Variants in CDH12 observed in about 807,000 individuals in gnomAD.
The protein encoded by CDH12 is cadherin 12.
CDH12 carries 41 observed loss-of-function variants against 74.1 expected under a neutral mutation model. The ratio of observed to expected loss-of-function variants is 0.55; its 90% CI spans 0.43 to 0.72. CDH12 has a LOEUF of 0.72. CDH12 is among the 30% of genes least tolerant of loss of function. CDH12 has a pLI of 0.00. For synonymous variants in CDH12, 399 were observed against 355.0 expected (o/e 1.12, Z -1.39); for missense variants, 945 against 977.2 (o/e 0.97, Z 0.44).
chr5:22,468,767 A>C (rs1472718179), intron 2 of CDH12, among the ~76,000 whole-genome samples: 1 of 152,128 alleles, frequency 6.6e-6, no homozygotes, highest in East Asian at 1.9e-4. Context: ...TGTCATATGG[A>C]CTCAACTATA....
intron 1 of CDH12, among the ~76,000 whole-genome samples, chr5:22,510,365 G>T (rs1736550544): frequency 6.6e-6 from 1 of 151,936 alleles, no homozygotes; most frequent in Admixed American, 6.6e-5. Flanking sequence ...TAAAAAAATT[G>T]TTATAAAAAT....
chr5:22,092,326 GAT>G (rs1261719546), intron 4 of CDH12, among the ~76,000 whole-genome samples: 3 of 151,976 alleles, frequency 2.0e-5, no homozygotes, highest in Non-Finnish European at 1.5e-5. Flanking sequence ...GAAGTAAAAA[GAT>G]AACCCATAGA....
At chr5:22,130,815 T>C (rs1746139531) in intron 4 of CDH12, among the ~76,000 whole-genome samples, 1 of 152,040 alleles carries the variant, frequency 6.6e-6, no homozygotes, top group Admixed American at 6.6e-5. Flanking sequence ...TTCCATCATA[T>C]ATGAAAACTT....
At chr5:22,160,685 G>A (rs538875832) in intron 4 of CDH12, among the ~76,000 whole-genome samples, 56 of 152,228 alleles carry the variant, frequency 3.7e-4, no homozygotes, top group African/African-American at 1.2e-3. Context: ...TTCCTGCTTC[G>A]TAGGTCACAC....
At chr5:22,218,831 TAAC>T (rs1751912907) in intron 3 of CDH12, among the ~76,000 whole-genome samples, 2 of 151,768 alleles carry the variant, frequency 1.3e-5, no homozygotes, top group Admixed American at 1.3e-4. Flanking sequence ...ATGTCCATAA[TAAC>T]AATCTATATG....
chr5:22,384,390 A>G (rs1479071945), intron 3 of CDH12, among the ~76,000 whole-genome samples: 10 of 150,524 alleles, frequency 6.6e-5, no homozygotes, highest in African/African-American at 9.7e-5. Flanking sequence ...GCCGGGCGTG[A>G]TGGTGGGCGC....
chr5:22,220,463 A>G (rs1751973611), intron 3 of CDH12, among the ~76,000 whole-genome samples: 1 of 151,774 alleles, frequency 6.6e-6, no homozygotes, highest in South Asian at 2.1e-4. Context: ...TCCCAACATA[A>G]GCCTGTTTAT....
chr5:22,100,136 G>T (rs913104992), intron 4 of CDH12, among the ~76,000 whole-genome samples: 2 of 152,044 alleles, frequency 1.3e-5, no homozygotes, highest in African/African-American at 2.4e-5. Flanking sequence ...TAAGAAGACA[G>T]GAACTACAAA....
At chr5:22,427,612 T>G (rs1453361690) in intron 2 of CDH12, among the ~76,000 whole-genome samples, 1 of 152,250 alleles carries the variant, frequency 6.6e-6, no homozygotes, top group Admixed American at 6.5e-5. Context: ...GTAGATACAT[T>G]GACTTTTATT....
rs569133197 is a variant in CDH12, at chr5:22,590,927, G to A, written c.-522-85563C>T. 1.1e-4 allele frequency among the ~76,000 whole-genome samples: 17 copies of A among 152,170 alleles called. No homozygotes were observed. The East Asian group carries it at 2.9e-3, about 26-fold the overall frequency. On this transcript the variant is annotated intron_variant, in intron 1 of 14. Transcript: ENST00000382254. ...TTTTATGCTATTGGCGGCTTGTCCTGAAGATAGTTGTAAAATCTGTCTTTT... is the reference window on the plus strand; with the variant it reads ...TTTTATGCTATTGGCGGCTTGTCCTAAAGATAGTTGTAAAATCTGTCTTTT...
At position 22,412,513 on chromosome 5, in the gene CDH12, A is replaced by G. The variant is rs57425817; in HGVS notation, c.-427-7162T>C. Among the ~76,000 whole-genome samples the G allele has an allele frequency of 8.5e-3, 1,296 of 152,002 alleles. 18 individuals carry two copies. The highest frequency in any genetic ancestry group is 0.03 in the African/African-American group (1,245 of 41,532). On this transcript the variant is annotated intron_variant, in intron 2 of 14. Transcript: ENST00000382254. The stretch of plus-strand genomic sequence containing the variant: ...ACACTTTTTCTTTATCAAAACAGTT[A>G]TTTGTGATTTTATTGTTTATAAATA...
Position 21,959,986 on chromosome 5 carries a change from A to C in CDH12, c.526+15105T>G, listed in dbSNP as rs541720473. Among the ~76,000 whole-genome samples the C allele has an allele frequency of 9.2e-5, 14 of 151,844 alleles. No individual in the cohort carries two copies. In the East Asian group the frequency reaches 2.5e-3, roughly 28 times the overall value. On this transcript the variant is annotated intron_variant, in intron 6 of 14. Transcript: ENST00000382254. ...ATAATGATGAAGGGTTTTACTCAAC[A>C]AGAAGACCTTACTAACCTAAATATA... is the stretch of plus-strand genomic sequence containing the variant.
intron 3 of CDH12, among the ~76,000 whole-genome samples, chr5:22,244,615 G>A (rs1035468399): frequency 7.5e-6 from 1 of 133,878 alleles, no homozygotes; most frequent in African/African-American, 2.7e-5. Flanking sequence ...AGAAAGGAAG[G>A]AGGGAGGGAA....
intron 3 of CDH12, among the ~76,000 whole-genome samples, chr5:22,254,485 T>A (rs1753247476): frequency 6.6e-6 from 1 of 151,788 alleles, no homozygotes; most frequent in African/African-American, 2.4e-5. Flanking sequence ...TTAGATCTTC[T>A]TATTTCTTTT....
At chr5:22,416,238 C>A (rs908811237) in intron 2 of CDH12, among the ~76,000 whole-genome samples, 5 of 151,022 alleles carry the variant, frequency 3.3e-5, no homozygotes, top group Non-Finnish European at 7.4e-5. Flanking sequence ...CCACGCCCGG[C>A]TAATTTTTTT....
At chr5:21,903,568 C>G (rs1040924883) in intron 6 of CDH12, among the ~76,000 whole-genome samples, 1 of 152,036 alleles carries the variant, frequency 6.6e-6, no homozygotes, top group Non-Finnish European at 1.5e-5. Context: ...CAGGTCTCAT[C>G]TTAATTCTGA....
At chr5:22,731,276 G>A (rs1182829526) in intron 1 of CDH12, among the ~76,000 whole-genome samples, 2 of 151,702 alleles carry the variant, frequency 1.3e-5, no homozygotes, top group Non-Finnish European at 2.9e-5. Context: ...TTGTGAGCTA[G>A]GTATAGGTGG....
intron 1 of CDH12, among the ~76,000 whole-genome samples, chr5:22,590,024 G>A (rs1482296167): frequency 6.6e-6 from 1 of 152,154 alleles, no homozygotes; most frequent in African/African-American, 2.4e-5. Context: ...ATATATGGGA[G>A]CCTGAGGTTG....
chr5:22,511,571 T>A (rs1035174611), intron 1 of CDH12, among the ~76,000 whole-genome samples: 1 of 152,130 alleles, frequency 6.6e-6, no homozygotes, highest in Admixed American at 6.5e-5. Flanking sequence ...ATAAAGATAA[T>A]GTCTGAAATT....
Sources: gnomAD v4.1 joint callset for allele counts (sites outside exome capture counted in the v4.1 genomes callset) on GRCh38, gnomAD v4.1.1 for gene constraint, MANE v1.5 for transcripts, NCBI Gene and HGNC (gene_info 2026-07-23, HGNC 2026-07-21) for gene names.